PRKX: variants seen among roughly 807,000 people sequenced by gnomAD.
PRKX encodes the protein cAMP-dependent protein kinase catalytic subunit PRKX.
PRKX carries 12 observed loss-of-function variants against 22.0 expected under a neutral mutation model. The ratio of observed to expected loss-of-function variants is 0.54; its 90% CI spans 0.35 to 0.88. PRKX has a LOEUF of 0.88. Ranked by LOEUF, PRKX falls within the 40% of genes least tolerant of loss-of-function variation. The pLI is 0.01. For synonymous variants in PRKX, 134 were observed against 137.7 expected (o/e 0.97, Z 0.19); for missense variants, 217 against 308.0 (o/e 0.70, Z 2.21).
At chrX:3,648,232 C>T (rs1927230104) in intron 3 of PRKX, among the ~76,000 whole-genome samples, 1 of 111,326 alleles carries the variant, frequency 9.0e-6, no homozygotes, top group Non-Finnish European at 1.9e-5. Context: ...AAATATCCAG[C>T]TCTGCTACGG....
intron 2 of PRKX, among the ~76,000 whole-genome samples, chrX:3,658,375 C>T (rs1190360759): frequency 9.0e-6 from 1 of 110,950 alleles, no homozygotes; most frequent in Admixed American, 9.6e-5. Flanking sequence ...CTCAACTTCC[C>T]GGGCTCGAGC....
chrX:3,663,131 C>T lies in PRKX; in HGVS notation c.336-7719G>A, dbSNP rs146985903. 9.6e-3 allele frequency among the ~76,000 whole-genome samples: 1,056 copies of T among 109,641 alleles called. 11 individuals carry two copies. The highest frequency in any genetic ancestry group is 0.031 in the African/African-American group (947 of 30,078). On this transcript the variant is annotated intron_variant, in intron 2 of 8. Transcript: ENST00000262848. ...CTGAGATTATAGGCATGAGCCACTA[C>T]GCCCTGCCTATTTTCACATCAGAAA...
intron 8 of PRKX, among the ~76,000 whole-genome samples, chrX:3,610,615 T>C (rs1286872561): frequency 4.5e-5 from 5 of 111,513 alleles, no homozygotes; most frequent in Non-Finnish European, 9.4e-5. Context: ...AGAAAGGTTA[T>C]TCCTACGTGT....
chrX:3,683,256 A>C (rs1316624725), intron 1 of PRKX, among the ~76,000 whole-genome samples: 2 of 111,779 alleles, frequency 1.8e-5, no homozygotes, highest in Admixed American at 1.9e-4. Context: ...AGCCAAGTAC[A>C]TTCCCTAGCA....
chrX:3,629,612 C>G (rs1468968977), intron 4 of PRKX, among the ~76,000 whole-genome samples: 3 of 110,447 alleles, frequency 2.7e-5, no homozygotes, highest in African/African-American at 9.9e-5. Context: ...ACAACAGGTG[C>G]TCAATAAATG....
At chrX:3,620,241 T>C (rs1250108188) in intron 6 of PRKX, among the ~76,000 whole-genome samples, 2 of 112,174 alleles carry the variant, frequency 1.8e-5, no homozygotes, top group African/African-American at 6.5e-5. Context: ...CACAATCGAA[T>C]ACTATGCAGT....
chrX:3,701,036 T>G (rs1354499818), intron 1 of PRKX, among the ~76,000 whole-genome samples: 4 of 112,216 alleles, frequency 3.6e-5, no homozygotes, highest in Non-Finnish European at 5.6e-5. Flanking sequence ...TTTGAGTCAT[T>G]ATGGACTTTT....
At chrX:3,636,624 C>A (rs932205505) in intron 4 of PRKX, among the ~76,000 whole-genome samples, 2 of 112,344 alleles carry the variant, frequency 1.8e-5, no homozygotes, top group African/African-American at 6.5e-5. Flanking sequence ...CTTTGGGAGG[C>A]CGAAGCAGGT....
At chrX:3,704,600 A>G (rs7881018) in intron 1 of PRKX, among the ~76,000 whole-genome samples, 3,297 of 110,603 alleles carry the variant, frequency 0.03, 127 homozygotes, top group African/African-American at 0.1. Context: ...CTGGGACGTC[A>G]ATGCTGCAGT....
intron 6 of PRKX, 98 bp downstream of exon 6, chrX:3,621,161 G>T: frequency 1.4e-6 from 1 of 716,420 alleles, no homozygotes; most frequent in East Asian, 3.4e-5. Context: ...AAATACGACC[G>T]CTAAGCCTTG....
At chrX:3,694,848 G>A (rs946751879) in intron 1 of PRKX, among the ~76,000 whole-genome samples, 1 of 109,998 alleles carries the variant, frequency 9.1e-6, no homozygotes, top group Admixed American at 9.8e-5. Context: ...GAGTGCTGTG[G>A]CCACAAGCCC....
chrX:3,701,870 G>A (rs1928583237), intron 1 of PRKX, among the ~76,000 whole-genome samples: 1 of 111,895 alleles, frequency 8.9e-6, no homozygotes, highest in Non-Finnish European at 1.9e-5. Flanking sequence ...GGCAACGTCA[G>A]GAAGTTACCC....
intron 1 of PRKX, 151 bp from the exon 2 acceptor site, chrX:3,674,917 G>C: frequency 1.7e-6 from 1 of 593,944 alleles, no homozygotes; most frequent in South Asian, 2.9e-5. Flanking sequence ...GTGCACGTGG[G>C]CTGATGGCAT....
intron 1 of PRKX, among the ~76,000 whole-genome samples, chrX:3,691,969 T>A (rs1928336234): frequency 9.2e-6 from 1 of 108,455 alleles, no homozygotes; most frequent in African/African-American, 3.4e-5. Context: ...GATGGATGGA[T>A]GGGTAGGTGG....
In PRKX at chrX:3,607,836, G is replaced by C. The variant is rs141092572; in HGVS notation, c.*1133C>G. The C allele has an allele frequency of 9.5e-6, 1 of 105,534 alleles. No individual in the cohort carries two copies. The highest frequency in any genetic ancestry group is 1.9e-5 in the Non-Finnish European group (1 of 51,736). The allele number at this position is 105,534 out of a possible 1,213,427, so 8.7% of individuals were successfully genotyped here. A position where few individuals can be genotyped will look rare whatever the true frequency, so the allele number is the denominator to read the frequency against. ...TGTCTTTTAAAGCCTTAAGGTGGAC[G>C]TTCTCTTCAATCCATCTTCAAAAGC... On this transcript the variant is annotated 3_prime_UTR_variant, in exon 9 of 9. Coordinates refer to ENST00000262848, the MANE Select transcript of PRKX (RefSeq NM_005044.5).
chrX:3,641,489 G>A (rs1927078041), intron 4 of PRKX: 1 of 187,353 alleles, frequency 5.3e-6, no homozygotes, highest in Admixed American at 7.1e-5. Context: ...AAAGAGTAGA[G>A]CAAGGAGTTC....
intron 6 of PRKX, among the ~76,000 whole-genome samples, chrX:3,617,931 TTACTA>T (rs1389921717): frequency 9.2e-6 from 1 of 108,873 alleles, no homozygotes; most frequent in Non-Finnish European, 1.9e-5. Context: ...GTTTATCTAT[TTACTA>T]TACTCTATGT....
At chrX:3,617,538 C>T (rs1415307914) in intron 6 of PRKX, among the ~76,000 whole-genome samples, 5 of 110,345 alleles carry the variant, frequency 4.5e-5, no homozygotes, top group East Asian at 2.8e-4. Context: ...CCCAGCTACT[C>T]GGGAGGCGGA....
intron 1 of PRKX, among the ~76,000 whole-genome samples, chrX:3,681,287 A>G (rs6641602): frequency 0.3 from 32,332 of 108,842 alleles, 4,195 homozygotes; most frequent in East Asian, 0.63. Flanking sequence ...AAGAGGCCGA[A>G]GCAGGAGGAT....
Sources: gnomAD v4.1 joint callset for allele counts (sites outside exome capture counted in the v4.1 genomes callset) on GRCh38, gnomAD v4.1.1 for gene constraint, MANE v1.5 for transcripts, NCBI Gene and HGNC (gene_info 2026-07-23, HGNC 2026-07-21) for gene names.